FAT1: variants seen among roughly 807,000 people sequenced by gnomAD.
FAT1 encodes the protein FAT atypical cadherin 1.
A neutral mutation model predicts 329.8 loss-of-function variants in FAT1; 171 were observed. The ratio of observed to expected loss-of-function variants is 0.52; its 90% CI spans 0.46 to 0.59. The LOEUF (loss-of-function observed/expected upper bound fraction) is 0.59, where lower values mean the gene tolerates loss of function less well. Among genes scored for constraint, FAT1 ranks in the 20% least tolerant of loss-of-function variants. The pLI is 0.00. For synonymous variants in FAT1, 2,233 were observed against 2,228.6 expected (o/e 1.00, Z -0.06); for missense variants, 5,672 against 5,774.4 (o/e 0.98, Z 0.57).
At chr4:186,609,146 G>C in intron 16 of FAT1, 37 bp downstream of exon 16, 1 of 1,602,252 alleles carries the variant, frequency 6.2e-7, no homozygotes, top group South Asian at 1.1e-5. Flanking sequence ...TTGATGTGGT[G>C]ATTTGTAAAC....
chr4:186,667,332 G>A (rs1402639860), intron 2 of FAT1, among the ~76,000 whole-genome samples: 6 of 152,126 alleles, frequency 3.9e-5, no homozygotes, highest in East Asian at 1.9e-4. Context: ...CGGCCTCCCC[G>A]GTAATCTACG....
intron 26 of FAT1, chr4:186,592,832 T>G: frequency 2.2e-6 from 1 of 450,644 alleles, no homozygotes; most frequent in Non-Finnish European, 4.5e-6. Context: ...AAGTTTTGTA[T>G]TATACCATTT....
intron 8 of FAT1, 24 bp downstream of exon 8, chr4:186,628,464 G>T (rs1740430510): frequency 6.2e-7 from 1 of 1,613,192 alleles, no homozygotes; most frequent in Admixed American, 1.7e-5. Context: ...CAAATGGTGG[G>T]AGGAGAGCGG....
At position 186,695,151 on chromosome 4, in the gene FAT1, G is replaced by A. The variant is rs1038542405; in HGVS notation, c.3265+11412C>T. Among the ~76,000 whole-genome samples, 4 of 152,122 alleles carry A rather than the reference G, an allele frequency of 2.6e-5. 1 individual carries two copies. Among genetic ancestry groups the A allele is most frequent in the Admixed American group, 2.6e-4 (4 of 15,272 alleles). ...AAAAATAGATCCTACTAATCTGAAC[G>A]TTTTTTAGAGTTCAAGTTTTTGCTG... is the stretch of plus-strand genomic sequence containing the variant. On this transcript the variant is annotated intron_variant, in intron 2 of 26. Coordinates refer to ENST00000441802, the MANE Select transcript of FAT1 (RefSeq NM_005245.4).
At chr4:186,705,528 C>T (rs539685788) in intron 2 of FAT1, among the ~76,000 whole-genome samples, 5 of 152,270 alleles carry the variant, frequency 3.3e-5, no homozygotes, top group African/African-American at 1.2e-4. Context: ...TCTCAGAGGG[C>T]AGGACATGAA....
At position 186,619,064 on chromosome 4, in the gene FAT1, G is replaced by T; in HGVS notation, c.7522C>A (p.His2508Asn). Residue 2508 changes from histidine to asparagine, a missense_variant, in exon 10 of 27, where the codon CAT (histidine) becomes AAT (asparagine). His to Asn is a moderately conservative substitution (Grantham distance 68). Transcript: ENST00000441802. Reference sequence around the variant, plus strand: ...GTTTTCACCTCCATCACCAGGGTATGTAGGGGAGCGTTTTCAGCTAGTTCC... The same window carrying T: ...GTTTTCACCTCCATCACCAGGGTATTTAGGGGAGCGTTTTCAGCTAGTTCC... ...EVELAENAPL[H>N]TLVMEVKTTD... 6.2e-7 allele frequency: 1 copy of T among 1,614,030 alleles called. No individual in the cohort carries two copies. Among genetic ancestry groups the T allele is most frequent in the Non-Finnish European group, 8.5e-7 (1 of 1,179,910 alleles).
Position 186,709,721 on chromosome 4 carries a change from T to C in FAT1, c.107A>G (p.His36Arg), listed in dbSNP as rs1460512791. ...CTGCACGGTGACGTTGTACTCGAGGTGTGTAAACTGCAGAGGAGTCTGTTC... is the reference window on the plus strand; with the variant it reads ...CTGCACGGTGACGTTGTACTCGAGGCGTGTAAACTGCAGAGGAGTCTGTTC... ...RLEQTPLQFT[H>R]LEYNVTVQEN... The change falls in exon 2 of 27, where the codon CAC becomes CGC. Residue 36 changes from histidine (H) to arginine (R), a missense_variant. Physicochemically the swap from His to Arg is conservative, Grantham distance 29. Coordinates refer to ENST00000441802, the MANE Select transcript of FAT1 (RefSeq NM_005245.4). 2 of 1,613,872 alleles carry C rather than the reference T, an allele frequency of 1.2e-6. No individual in the cohort carries two copies. The highest frequency in any genetic ancestry group is 4.5e-5 in the East Asian group (2 of 44,878).
intron 2 of FAT1, among the ~76,000 whole-genome samples, chr4:186,669,282 C>T (rs965834813): frequency 1.1e-4 from 17 of 152,174 alleles, no homozygotes; most frequent in Non-Finnish European, 2.4e-4. Context: ...GCAACAGAGC[C>T]GTGAGAGGGG....
At chr4:186,599,857 C>A (rs1015601584) in intron 22 of FAT1, 41 bp downstream of exon 22, 2 of 1,457,874 alleles carry the variant, frequency 1.4e-6, no homozygotes, top group Non-Finnish European at 1.9e-6. Context: ...TAAATGTACA[C>A]ACGTGCAGCA....
intron 1 of FAT1, among the ~76,000 whole-genome samples, chr4:186,716,811 T>A: frequency 6.6e-6 from 1 of 152,164 alleles, no homozygotes; most frequent in African/African-American, 2.4e-5. Flanking sequence ...TTGGAGACAG[T>A]CTTGTTCTGT....
chr4:186,646,405 A>G (rs1413012315), intron 3 of FAT1, among the ~76,000 whole-genome samples: 1 of 152,218 alleles, frequency 6.6e-6, no homozygotes, highest in African/African-American at 2.4e-5. Context: ...AGCACTGTCC[A>G]ACAGAAATTT....
At position 186,628,223 on chromosome 4, in the gene FAT1, C is replaced by T. The variant is rs1361682630; in HGVS notation, c.4741G>A (p.Val1581Met). 6.2e-6 allele frequency: 10 copies of T among 1,613,866 alleles called. No individual in the cohort carries two copies. Among genetic ancestry groups the T allele is most frequent in the Non-Finnish European group, 7.6e-6 (9 of 1,179,892 alleles). Reference protein sequence around the residue: ...VYESAAVGSVVLQVTALDKDK... With the variant: ...VYESAAVGSVMLQVTALDKDK... ...TTGTCCAGAGCCGTCACCTGCAACA[C>T]AACTGAGCCAACGGCTGCCGATTCA... is the stretch of plus-strand genomic sequence containing the variant. Residue 1581 changes from valine to methionine, a missense_variant, in exon 9 of 27, where the codon GTG becomes ATG. This residue lies in a region of FAT1 where 3,966 missense variants were observed against 3,915.2 expected (regional missense o/e 1.01). Coordinates refer to ENST00000441802, the MANE Select transcript of FAT1 (RefSeq NM_005245.4).
At chr4:186,611,029 C>A (rs184420001) in intron 14 of FAT1, among the ~76,000 whole-genome samples, 243 of 152,208 alleles carry the variant, frequency 1.6e-3, no homozygotes, top group Middle Eastern at 0.014. Context: ...TGGGAAGTTA[C>A]CATCCATGAG....
chr4:186,673,312 G>C (rs1211760726), intron 2 of FAT1, among the ~76,000 whole-genome samples: 1 of 152,084 alleles, frequency 6.6e-6, no homozygotes, highest in South Asian at 2.1e-4. Context: ...CTGCAGCCCA[G>C]TATCAGAAGG....
intron 25 of FAT1, 136 bp from the exon 26 acceptor site, chr4:186,595,962 G>C (rs1319490979): frequency 3.4e-6 from 3 of 891,140 alleles, no homozygotes; most frequent in Non-Finnish European, 5.0e-6. Context: ...AAGAAAAACA[G>C]AAACACCTTA....
intron 2 of FAT1, among the ~76,000 whole-genome samples, chr4:186,686,640 C>G (rs185566286): frequency 6.6e-6 from 1 of 152,208 alleles, no homozygotes; most frequent in African/African-American, 2.4e-5. Flanking sequence ...GCATTGTGAA[C>G]AGAACCCTGT....
intron 2 of FAT1, among the ~76,000 whole-genome samples, chr4:186,671,160 T>G (rs1486754524): frequency 1.3e-5 from 2 of 152,202 alleles, no homozygotes; most frequent in Non-Finnish European, 2.9e-5. Flanking sequence ...TAATCTCGTT[T>G]TCATTAAATA....
At chr4:186,666,855 A>G (rs1742462405) in intron 2 of FAT1, among the ~76,000 whole-genome samples, 1 of 152,246 alleles carries the variant, frequency 6.6e-6, no homozygotes, top group African/African-American at 2.4e-5. Flanking sequence ...GAAATGAGGC[A>G]CTTTCCCAGG....
chr4:186,718,228 C>A (rs1026940844), intron 1 of FAT1, among the ~76,000 whole-genome samples: 11 of 152,162 alleles, frequency 7.2e-5, no homozygotes, highest in African/African-American at 2.7e-4. Flanking sequence ...CCTGTTCTCT[C>A]TTCTTACACC....
Sources: gnomAD v4.1 joint callset for allele counts (sites outside exome capture counted in the v4.1 genomes callset) on GRCh38, gnomAD v4.1.1 for gene constraint, gnomAD v4.1.1 regional missense constraint, MANE v1.5 for transcripts, NCBI Gene and HGNC (gene_info 2026-07-23, HGNC 2026-07-21) for gene names.